Variants in NID1 observed in about 807,000 individuals in gnomAD.
The protein encoded by NID1 is nidogen 1.
Under a neutral mutation model 130.6 loss-of-function variants are expected in NID1, and 76 were observed. That is an observed-to-expected ratio of 0.58 (90% CI 0.48 to 0.70). The LOEUF is 0.70. NID1 is among the 30% of genes least tolerant of loss of function. The pLI, the probability that NID1 is intolerant of heterozygous loss-of-function variation, is 0.00. For synonymous variants in NID1, 665 were observed against 675.1 expected (o/e 0.98, Z 0.23); for missense variants, 1,517 against 1,664.8 (o/e 0.91, Z 1.54).
chr1:236,041,909 C>T lies in NID1; in HGVS notation c.1135+1G>A. 1.2e-6 allele frequency: 2 copies of T among 1,603,028 alleles called. No individual in the cohort carries two copies. Among genetic ancestry groups the T allele is most frequent in the Non-Finnish European group, 1.7e-6 (2 of 1,173,314 alleles). On this transcript the variant is annotated splice_donor_variant, in intron 4 of 19. Transcript: ENST00000264187. LOFTEE classifies it high-confidence loss of function. ...ACCAACTGCAACTTAAATGGTCTTA[C>T]CAACTCCTGTTTCCTCAACTTCATC...
At chr1:236,051,204 C>T (rs1299218787) in intron 1 of NID1, among the ~76,000 whole-genome samples, 7 of 152,094 alleles carry the variant, frequency 4.6e-5, no homozygotes. Context: ...AATAGCAACC[C>T]TCAGTTGTTA....
In NID1 at chr1:235,991,166, C is replaced by T. The variant is rs1016074198; in HGVS notation, c.2756-108G>A. ...GCACGCATGCACACACATACACACA[C>T]CCACACATCAGGTCACATCACCTTC... On this transcript the variant is annotated intron_variant, in intron 13 of 19. Transcript: ENST00000264187. The T allele has an allele frequency of 1.0e-5, 9 of 902,856 alleles. No individual in the cohort carries two copies. The Admixed American group carries it at 2.5e-4, about 25-fold the overall frequency. The allele number at this position is 902,856 out of a possible 1,614,324, so 55.9% of individuals were successfully genotyped here. A position where few individuals can be genotyped will look rare whatever the true frequency, so the allele number is the denominator to read the frequency against.
At chr1:236,015,182 A>G (rs934863359) in intron 10 of NID1, among the ~76,000 whole-genome samples, 7 of 152,136 alleles carry the variant, frequency 4.6e-5, no homozygotes, top group Admixed American at 3.9e-4. Flanking sequence ...CCGACCTAGA[A>G]CACTGTTTCA....
At chr1:235,993,485 A>G (rs1657822790) in intron 13 of NID1, among the ~76,000 whole-genome samples, 160 bp downstream of exon 13, 1 of 152,182 alleles carries the variant, frequency 6.6e-6, no homozygotes, top group African/African-American at 2.4e-5. Context: ...GAGCGGGGTA[A>G]GTGAGAGGGA....
At chr1:236,020,903 A>T (rs1658740548) in intron 9 of NID1, among the ~76,000 whole-genome samples, 1 of 152,214 alleles carries the variant, frequency 6.6e-6, no homozygotes, top group Non-Finnish European at 1.5e-5. Flanking sequence ...CTGGACAAGG[A>T]TATCGGAGGA....
chr1:235,983,180 C>G lies in NID1; in HGVS notation c.3056-1398G>C, dbSNP rs1657485721. Among the ~76,000 whole-genome samples, 3 of 152,150 alleles carry G rather than the reference C, an allele frequency of 2.0e-5. No individual in the cohort carries two copies. In the South Asian group the frequency reaches 6.2e-4, roughly 32 times the overall value. On this transcript the variant is annotated intron_variant, in intron 15 of 19. Transcript: ENST00000264187. ...TGAGCCACCACACCTGGCTCCAATA[C>G]TGTGTTCTTCTGTGGACATACAAGC... is the stretch of plus-strand genomic sequence containing the variant.
intron 3 of NID1, among the ~76,000 whole-genome samples, chr1:236,044,844 A>AT (rs1659551980): frequency 9.7e-6 from 1 of 102,824 alleles, no homozygotes; most frequent in Non-Finnish European, 1.9e-5. Context: ...CAGCCTTGAG[A>AT]TCAAAGGAGA....
At chr1:235,993,061 C>T (rs926985308) in intron 13 of NID1, among the ~76,000 whole-genome samples, 3 of 152,044 alleles carry the variant, frequency 2.0e-5, no homozygotes, top group Non-Finnish European at 4.4e-5. Flanking sequence ...CCACTGCCTC[C>T]GGTGATGGTC....
chr1:236,017,221 G>A lies in NID1; in HGVS notation c.2181C>T (p.Cys727=). The change falls in exon 10 of 20, where the codon TGC becomes TGT. Residue 727 remains cysteine (C), a synonymous_variant. Transcript: ENST00000264187. ...AGCGGAAGGTTCCTGGGTGATTATTGCAGATTGTGTGGCTCCCACACACTG... is the reference window on the plus strand; with the variant it reads ...AGCGGAAGGTTCCTGGGTGATTATTACAGATTGTGTGGCTCCCACACACTG... The part of the protein sequence containing the change: ...QPSVCGSHTI[C]NNHPGTFRCE... The A allele has an allele frequency of 6.2e-7, 1 of 1,614,130 alleles. No individual in the cohort carries two copies. Among genetic ancestry groups the A allele is most frequent in the South Asian group, 1.1e-5 (1 of 91,076 alleles).
At chr1:236,016,488 A>G (rs533210711) in intron 10 of NID1, among the ~76,000 whole-genome samples, 7 of 152,344 alleles carry the variant, frequency 4.6e-5, no homozygotes, top group South Asian at 2.1e-4. Flanking sequence ...AGACCTGGGA[A>G]CAAGAATCTT....
In NID1 at chr1:235,979,714, G is replaced by A. The variant is rs1657376029; in HGVS notation, c.3509+108C>T. The A allele has an allele frequency of 3.9e-6, 5 of 1,290,208 alleles. No individual in the cohort carries two copies. Among genetic ancestry groups the A allele is most frequent in the East Asian group, 4.8e-5 (2 of 41,588 alleles). 79.9% of individuals were successfully genotyped at this position (1,290,208 alleles called of 1,614,324 possible). On this transcript the variant is annotated intron_variant, in intron 18 of 19. Transcript: ENST00000264187. The surrounding 1 kb of genome is among the most constrained non-coding windows in gnomAD (Gnocchi z 4.6). ...GGACATCTCTAGAGGGGGCATTTCT[G>A]GAGGCTCAAAAGTCAAGCCAAGAGG...
At chr1:236,053,677 G>A (rs767144635) in intron 1 of NID1, among the ~76,000 whole-genome samples, 2 of 152,032 alleles carry the variant, frequency 1.3e-5, no homozygotes, top group African/African-American at 2.4e-5. Flanking sequence ...ATTTCTTCAC[G>A]GTCAGGGACT....
chr1:236,001,343 G>A (rs1057193201), intron 12 of NID1, among the ~76,000 whole-genome samples: 1 of 152,094 alleles, frequency 6.6e-6, no homozygotes. Context: ...CTGACCTCGT[G>A]ATTCACCCGC....
At position 236,012,011 on chromosome 1, in the gene NID1, G is replaced by C; in HGVS notation, c.2437C>G (p.Pro813Ala). The C allele has an allele frequency of 1.9e-6, 3 of 1,614,044 alleles. No homozygotes were observed. Among genetic ancestry groups the C allele is most frequent in the Non-Finnish European group, 2.5e-6 (3 of 1,179,884 alleles). Reference sequence around the variant, plus strand: ...GGAGTGTTGTAGCAGAAGGCGTCAGGGTGACATCGGCTTGGCTGGCATTCA... The same window carrying C: ...GGAGTGTTGTAGCAGAAGGCGTCAGCGTGACATCGGCTTGGCTGGCATTCA... ...VDECQPSRCH[P>A]DAFCYNTPGS... is the part of the protein sequence containing the mutation. Residue 813 changes from proline to alanine, a missense_variant, in exon 12 of 20, where the codon CCT (proline) becomes GCT (alanine). Transcript: ENST00000264187.
At position 236,048,803 on chromosome 1, in the gene NID1, C is replaced by T; in HGVS notation, c.412G>A (p.Val138Ile). The T allele has an allele frequency of 6.2e-7, 1 of 1,614,126 alleles. No homozygotes were observed. The change falls in exon 2 of 20, where the codon GTC becomes ATC. Residue 138 changes from valine to isoleucine, a missense_variant. By Grantham distance (29) the Val-to-Ile change is conservative. Around this residue, in one of 3 missense-constraint regions of NID1, gnomAD observed 1,329 missense variants for 1,429.2 expected, o/e 0.93. Transcript: ENST00000264187. ...GAGATCTCCGGGAACCCTCTGTGGA[C>T]ACACTCTGCTGCTCGCTGAGTGATG... ...PSITQRAAEC[V>I]HRGFPEISFQ...
chr1:235,999,150 A>G (rs571434216), intron 12 of NID1, among the ~76,000 whole-genome samples: 48 of 152,314 alleles, frequency 3.2e-4, no homozygotes, highest in African/African-American at 1.2e-3. Context: ...TACCAATCAC[A>G]TCTGCATGTG....
intron 3 of NID1, 37 bp downstream of exon 3, chr1:236,045,420 T>G (rs1466444747): frequency 2.8e-6 from 4 of 1,414,860 alleles, no homozygotes; most frequent in Non-Finnish European, 4.0e-6. Context: ...TAAAAAATAT[T>G]AAGAGGAGAA....
intron 5 of NID1, among the ~76,000 whole-genome samples, chr1:236,034,908 G>C (rs1659206806): frequency 6.6e-6 from 1 of 151,414 alleles, no homozygotes; most frequent in African/African-American, 2.4e-5. Flanking sequence ...TCTGTTCCTA[G>C]ATTATGATCA....
intron 15 of NID1, among the ~76,000 whole-genome samples, chr1:235,983,855 A>C (rs545522663): frequency 2.0e-5 from 3 of 152,342 alleles, no homozygotes; most frequent in South Asian, 2.1e-4. Context: ...GGAAAGAAAG[A>C]AAGCCTGGGA....
Sources: allele counts gnomAD v4.1 joint callset (sites outside exome capture counted in the v4.1 genomes callset), GRCh38; gene constraint gnomAD v4.1.1; regional missense constraint gnomAD v4.1.1; non-coding constraint Gnocchi (gnomAD v3.1); transcripts MANE v1.5; gene names NCBI Gene and HGNC (gene_info 2026-07-23, HGNC 2026-07-21).